The following ARHGAP6 variants were observed in gnomAD, a reference collection of about 807,000 sequenced individuals.
The protein encoded by ARHGAP6 is rho GTPase-activating protein 6.
A neutral mutation model predicts 55.7 loss-of-function variants in ARHGAP6; 16 were observed. That is an observed-to-expected ratio of 0.29 (90% CI 0.19 to 0.44). The LOEUF (loss-of-function observed/expected upper bound fraction) is 0.44, where lower values mean the gene tolerates loss of function less well. Among genes scored for constraint, ARHGAP6 ranks in the 20% least tolerant of loss-of-function variants. ARHGAP6 has a pLI of 1.00. For synonymous variants in ARHGAP6, 382 were observed against 360.9 expected, an observed-to-expected ratio of 1.06 and a Z score of -0.66; for missense variants, 698 against 808.9, an observed-to-expected ratio of 0.86 and a Z score of 1.66.
At chrX:11,419,957 GA>G (rs767918626) in intron 1 of ARHGAP6, among the ~76,000 whole-genome samples, 72 of 112,016 alleles carry the variant, frequency 6.4e-4, no homozygotes, top group Middle Eastern at 4.6e-3. Flanking sequence ...TTTACTATAA[GA>G]TTTTTTTTTA....
chrX:11,224,793 T>G (rs1427540760), intron 2 of ARHGAP6, among the ~76,000 whole-genome samples: 1 of 110,844 alleles, frequency 9.0e-6, no homozygotes, highest in East Asian at 2.8e-4. Context: ...ATTCCTGAGC[T>G]GTAGTACTGA....
At chrX:11,215,748 G>C in intron 2 of ARHGAP6, among the ~76,000 whole-genome samples, 1 of 112,501 alleles carries the variant, frequency 8.9e-6, no homozygotes. Context: ...AACAGTCCAG[G>C]GGAGCCGGAA....
intron 1 of ARHGAP6, among the ~76,000 whole-genome samples, chrX:11,429,187 T>A (rs1027946340): frequency 8.9e-6 from 1 of 112,887 alleles, no homozygotes; most frequent in Non-Finnish European, 1.9e-5. Flanking sequence ...ACAAACATTA[T>A]GTTGGGAGAA....
Position 11,478,877 on chromosome X carries a change from A to T in ARHGAP6, c.588+185364T>A, listed in dbSNP as rs985646808. ...CACAGAGCTCTAGTTTCATGAGGGC[A>T]CAAAGAAACAAAACCAGGAGACTGC... On this transcript the variant is annotated intron_variant, in intron 1 of 12. Transcript: ENST00000337414. Among the ~76,000 whole-genome samples, 15 of 111,944 alleles carry T rather than the reference A, an allele frequency of 1.3e-4. No homozygotes were observed. The Admixed American group carries it at 1.4e-3, about 11-fold the overall frequency.
intron 1 of ARHGAP6, among the ~76,000 whole-genome samples, chrX:11,310,892 G>T (rs1603056557): frequency 8.9e-6 from 1 of 111,759 alleles, no homozygotes; most frequent in East Asian, 2.8e-4. Flanking sequence ...CCATGTCTAT[G>T]GTTCCTATCT....
chrX:11,259,843 T>C (rs896487960), intron 1 of ARHGAP6, among the ~76,000 whole-genome samples: 1 of 111,235 alleles, frequency 9.0e-6, no homozygotes, highest in African/African-American at 3.3e-5. Flanking sequence ...CAGTAAGGCG[T>C]AATCAGGTGG....
chrX:11,547,543 A>G (rs1293759048), intron 1 of ARHGAP6, among the ~76,000 whole-genome samples: 2 of 112,163 alleles, frequency 1.8e-5, no homozygotes, highest in Admixed American at 1.9e-4. Flanking sequence ...TTACACAAGT[A>G]GAAATTGAGA....
chrX:11,388,887 C>A (rs888049804), intron 1 of ARHGAP6, among the ~76,000 whole-genome samples: 2 of 111,579 alleles, frequency 1.8e-5, no homozygotes, highest in Admixed American at 9.5e-5. Context: ...TCCAGTGTAC[C>A]ATTGGTCTTC....
intron 1 of ARHGAP6, among the ~76,000 whole-genome samples, chrX:11,511,456 C>T (rs1014052328): frequency 2.7e-5 from 3 of 112,165 alleles, no homozygotes; most frequent in Non-Finnish European, 5.6e-5. Context: ...AGTGGCCATG[C>T]CTTGTACAGT....
intron 1 of ARHGAP6, among the ~76,000 whole-genome samples, chrX:11,427,125 C>T (rs5935060): frequency 0.033 from 3,692 of 111,454 alleles, 61 homozygotes; most frequent in Middle Eastern, 0.097. Context: ...TCAGCAAATC[C>T]ACTCGCCGCA....
chrX:11,430,183 A>C (rs1487313280), intron 1 of ARHGAP6, among the ~76,000 whole-genome samples: 1 of 112,427 alleles, frequency 8.9e-6, no homozygotes, highest in African/African-American at 3.2e-5. Context: ...AAACTGGGTC[A>C]TCCTGGATTT....
chrX:11,362,650 TATAATA>T lies in ARHGAP6; in HGVS notation c.589-107949_589-107944del, dbSNP rs111272294. Among the ~76,000 whole-genome samples, 26 of 108,213 alleles carry T rather than the reference TATAATA, an allele frequency of 2.4e-4. No individual in the cohort carries two copies. In the East Asian group the frequency reaches 4.0e-3, roughly 17 times the overall value. The allele number at this position is 108,213 out of a possible 115,157, so 94.0% of individuals were successfully genotyped here. On this transcript the variant is annotated intron_variant, in intron 1 of 12. Coordinates refer to ENST00000337414, the MANE Select transcript of ARHGAP6 (RefSeq NM_013427.3). ...TGCATATGTACCCTAAAACTTAAAG[TATAATA>T]ATAATAATAATAATAATAAACACTG... is the stretch of plus-strand genomic sequence containing the variant.
chrX:11,540,396 T>C (rs1008544140), intron 1 of ARHGAP6, among the ~76,000 whole-genome samples: 2 of 111,590 alleles, frequency 1.8e-5, no homozygotes, highest in African/African-American at 3.3e-5. Flanking sequence ...TCCCATGCTA[T>C]AAGAAACCTC....
chrX:11,532,575 G>A (rs1406518831), intron 1 of ARHGAP6, among the ~76,000 whole-genome samples: 1 of 112,843 alleles, frequency 8.9e-6, no homozygotes, highest in East Asian at 2.8e-4. Context: ...CCTAGGGCAA[G>A]TGTTAACAAA....
intron 9 of ARHGAP6, among the ~76,000 whole-genome samples, chrX:11,165,150 A>G (rs891454738): frequency 9.0e-6 from 1 of 110,879 alleles, no homozygotes; most frequent in East Asian, 2.8e-4. Flanking sequence ...ACAAAAATAC[A>G]TTTTTTTTCT....
At chrX:11,600,117 A>T (rs1471261051) in intron 1 of ARHGAP6, among the ~76,000 whole-genome samples, 1 of 111,776 alleles carries the variant, frequency 8.9e-6, no homozygotes, top group Admixed American at 9.5e-5. Flanking sequence ...GATACCATGC[A>T]CTACTCTCAA....
intron 1 of ARHGAP6, among the ~76,000 whole-genome samples, chrX:11,360,167 T>G (rs957383422): frequency 7.2e-5 from 8 of 111,871 alleles, no homozygotes; most frequent in African/African-American, 9.8e-5. Flanking sequence ...GAGGCCAGCA[T>G]CATCCTGATA....
chrX:11,289,988 A>G (rs966306103), intron 1 of ARHGAP6, among the ~76,000 whole-genome samples: 2 of 111,968 alleles, frequency 1.8e-5, no homozygotes, highest in African/African-American at 6.5e-5. Context: ...CTGTCTCAAA[A>G]ACAACAACAA....
intron 1 of ARHGAP6, among the ~76,000 whole-genome samples, chrX:11,460,133 T>A (rs919539090): frequency 9.0e-6 from 1 of 110,741 alleles, no homozygotes; most frequent in Non-Finnish European, 1.9e-5. Context: ...CCTATGATTA[T>A]ATTACAGTGT....
Sources: gnomAD v4.1 joint callset for allele counts (sites outside exome capture counted in the v4.1 genomes callset) on GRCh38, gnomAD v4.1.1 for gene constraint, MANE v1.5 for transcripts, NCBI Gene and HGNC (gene_info 2026-07-23, HGNC 2026-07-21) for gene names.